EPHA5: variants seen among roughly 807,000 people sequenced by gnomAD.
EPHA5 encodes EPH receptor A5, also known as ephrin type-A receptor 5.
In EPHA5, 60 loss-of-function variants were observed where a neutral mutation model predicts 105.0. The observed-to-expected ratio is 0.57, with a 90% confidence interval of 0.46 to 0.71. The LOEUF (loss-of-function observed/expected upper bound fraction) is 0.71, where lower values mean the gene tolerates loss of function less well. Among genes scored for constraint, EPHA5 ranks in the 30% least tolerant of loss-of-function variants. The probability of loss-of-function intolerance (pLI) is 0.00; values close to 1 mark genes in which losing one functional copy is unlikely to be tolerated. For missense variants in EPHA5, 1,218 were observed against 1,274.7 expected, an observed-to-expected ratio of 0.96 and a Z score of 0.68; for synonymous variants, 513 against 449.1, an observed-to-expected ratio of 1.14 and a Z score of -1.80.
intron 3 of EPHA5, among the ~76,000 whole-genome samples, chr4:65,562,312 A>T (rs7699514): frequency 0.51 from 78,120 of 151,730 alleles, 20,410 homozygotes; most frequent in African/African-American, 0.54. Flanking sequence ...CAAAGTTTAG[A>T]TTTTTAACTT....
chr4:65,474,872 C>G (rs537206459), intron 5 of EPHA5, among the ~76,000 whole-genome samples: 51 of 152,134 alleles, frequency 3.4e-4, no homozygotes, highest in African/African-American at 1.1e-3. Flanking sequence ...CAATAAAGAT[C>G]GATTATGCTG....
intron 8 of EPHA5, among the ~76,000 whole-genome samples, chr4:65,389,241 A>G (rs1190874591): frequency 1.3e-5 from 2 of 152,110 alleles, no homozygotes; most frequent in African/African-American, 4.8e-5. Flanking sequence ...ATCCTTAAAA[A>G]TATAGCATTG....
chr4:65,492,797 A>G lies in EPHA5; in HGVS notation c.1067-2085T>C, dbSNP rs193067616. ...TAGAATGATTTATAATCCTTTGGGT[A>G]TATACCCAGTAATGGGATTGCTGGG... On this transcript the variant is annotated intron_variant, in intron 4 of 16. Transcript: ENST00000613740. 8.7e-4 allele frequency among the ~76,000 whole-genome samples: 133 copies of G among 152,236 alleles called. 1 individual carries two copies. Among genetic ancestry groups the G allele is most frequent in the African/African-American group, 3.1e-3 (127 of 41,552 alleles).
At chr4:65,560,778 A>G (rs1738925969) in intron 3 of EPHA5, among the ~76,000 whole-genome samples, 1 of 152,112 alleles carries the variant, frequency 6.6e-6, no homozygotes, top group African/African-American at 2.4e-5. Flanking sequence ...CCTGCCTGTT[A>G]AATGACTCAA....
intron 8 of EPHA5, among the ~76,000 whole-genome samples, chr4:65,396,049 G>A (rs572654767): frequency 1.3e-5 from 2 of 151,806 alleles, no homozygotes; most frequent in Admixed American, 6.6e-5. Flanking sequence ...ATGTAGATCT[G>A]GGCATCCCTG....
intron 3 of EPHA5, among the ~76,000 whole-genome samples, chr4:65,538,775 G>A (rs1736539557): frequency 6.6e-6 from 1 of 151,646 alleles, no homozygotes; most frequent in Non-Finnish European, 1.5e-5. Flanking sequence ...GATTGGATAT[G>A]AGGAAATGAC....
chr4:65,556,625 G>A (rs765990607), intron 3 of EPHA5, among the ~76,000 whole-genome samples: 4 of 151,960 alleles, frequency 2.6e-5, no homozygotes, highest in African/African-American at 9.7e-5. Flanking sequence ...TAATTTAGAG[G>A]ATTCTAAGTA....
intron 5 of EPHA5, among the ~76,000 whole-genome samples, chr4:65,469,235 C>T (rs1301522028): frequency 6.6e-6 from 1 of 152,062 alleles, no homozygotes; most frequent in Non-Finnish European, 1.5e-5. Context: ...CAAAGTGTTC[C>T]TGGAACTGGT....
intron 6 of EPHA5, among the ~76,000 whole-genome samples, chr4:65,415,758 A>G (rs1224970956): frequency 3.3e-5 from 5 of 152,168 alleles, no homozygotes; most frequent in Non-Finnish European, 7.4e-5. Context: ...ACTTTACCTA[A>G]TAATACCAGG....
intron 14 of EPHA5, among the ~76,000 whole-genome samples, chr4:65,341,146 G>A (rs916900966): frequency 1.3e-5 from 2 of 152,044 alleles, no homozygotes; most frequent in Non-Finnish European, 1.5e-5. Context: ...GGAGGGCCTA[G>A]ATTAGCCTAT....
chr4:65,465,515 GAAAGAAAGAAAGAAAAGA>G (rs1728579261), intron 5 of EPHA5, among the ~76,000 whole-genome samples: 6 of 96,860 alleles, frequency 6.2e-5, no homozygotes, highest in African/African-American at 1.1e-4. Context: ...AAGAAAGAAA[GAAAGAAAGAAAGAAAAGA>G]AAGGAAAGGA....
intron 2 of EPHA5, among the ~76,000 whole-genome samples, chr4:65,621,481 C>T (rs1745700617): frequency 6.6e-6 from 1 of 152,072 alleles, no homozygotes; most frequent in Non-Finnish European, 1.5e-5. Flanking sequence ...ATATTAAAGC[C>T]TGATTTCTCA....
chr4:65,624,412 T>C (rs1318050981), intron 2 of EPHA5, among the ~76,000 whole-genome samples: 1 of 152,192 alleles, frequency 6.6e-6, no homozygotes, highest in African/African-American at 2.4e-5. Flanking sequence ...CACACGTTGA[T>C]GGATGTGCGA....
At chr4:65,402,671 A>G (rs1336100201) in intron 8 of EPHA5, among the ~76,000 whole-genome samples, 1 of 152,118 alleles carries the variant, frequency 6.6e-6, no homozygotes, top group Non-Finnish European at 1.5e-5. Context: ...AAATATAACT[A>G]ATGTTTATTT....
Position 65,319,572 on chromosome 4 carries a change from T to A in EPHA5, c.*4542A>T. On this transcript the variant is annotated 3_prime_UTR_variant, in exon 17 of 17. Coordinates refer to ENST00000613740, the MANE Select transcript of EPHA5 (RefSeq NM_001281766.3). Reference sequence around the variant, plus strand: ...GCATGACAATCAGATGTAACTGTATTCAAAGGGTTTTTATTTTCTGAAAAA... The same window carrying A: ...GCATGACAATCAGATGTAACTGTATACAAAGGGTTTTTATTTTCTGAAAAA... 5.0e-6 allele frequency: 1 copy of A among 198,260 alleles called. No individual in the cohort carries two copies. Among genetic ancestry groups the A allele is most frequent in the Non-Finnish European group, 1.0e-5 (1 of 95,730 alleles). The allele number at this position is 198,260 out of a possible 1,614,324, so 12.3% of individuals were successfully genotyped here. A position where few individuals can be genotyped will look rare whatever the true frequency, so the allele number is the denominator to read the frequency against.
intron 1 of EPHA5, among the ~76,000 whole-genome samples, chr4:65,664,699 A>T (rs572350673): frequency 6.6e-6 from 1 of 152,098 alleles, no homozygotes; most frequent in Non-Finnish European, 1.5e-5. Flanking sequence ...AGTAGGAGCC[A>T]TTCTCCACCT....
intron 5 of EPHA5, among the ~76,000 whole-genome samples, chr4:65,471,462 G>A (rs1729275735): frequency 6.6e-6 from 1 of 152,066 alleles, no homozygotes; most frequent in Non-Finnish European, 1.5e-5. Flanking sequence ...AGGTTCATGT[G>A]GTATATGTTC....
chr4:65,415,555 T>C (rs182865642), intron 6 of EPHA5, among the ~76,000 whole-genome samples: 3 of 152,128 alleles, frequency 2.0e-5, no homozygotes, highest in Admixed American at 1.3e-4. Flanking sequence ...GTTAAGTAGG[T>C]CCAAAATTCT....
chr4:65,646,635 G>A (rs1748135036), intron 1 of EPHA5, among the ~76,000 whole-genome samples: 1 of 152,076 alleles, frequency 6.6e-6, no homozygotes, highest in African/African-American at 2.4e-5. Flanking sequence ...GATGCCACTA[G>A]AAATTTTCTA....
Sources: gnomAD v4.1 joint callset for allele counts (sites outside exome capture counted in the v4.1 genomes callset) on GRCh38, gnomAD v4.1.1 for gene constraint, MANE v1.5 for transcripts, NCBI Gene and HGNC (gene_info 2026-07-23, HGNC 2026-07-21) for gene names.